Variants in SMYD3 observed in about 807,000 individuals in gnomAD.
SMYD3 encodes the protein SET and MYND domain containing 3.
Under a neutral mutation model 57.7 loss-of-function variants are expected in SMYD3, and 36 were observed. The ratio of observed to expected loss-of-function variants is 0.62; its 90% CI spans 0.48 to 0.82. The LOEUF (loss-of-function observed/expected upper bound fraction) is 0.82, where lower values mean the gene tolerates loss of function less well. Ranked by LOEUF, SMYD3 falls within the 40% of genes least tolerant of loss-of-function variation. The pLI is 0.00. For synonymous variants in SMYD3, 211 were observed against 195.0 expected (o/e 1.08, Z -0.68); for missense variants, 515 against 538.8 (o/e 0.96, Z 0.44).
At chr1:245,769,171 A>G (rs1266633355) in intron 10 of SMYD3, among the ~76,000 whole-genome samples, 1 of 152,220 alleles carries the variant, frequency 6.6e-6, no homozygotes, top group African/African-American at 2.4e-5. Context: ...ATATCACTTG[A>G]TGAAACCATT....
At position 245,961,441 on chromosome 1, in the gene SMYD3, G is replaced by GCAT. The variant is rs553909210; in HGVS notation, c.532-31507_532-31505dup. 4.0e-3 allele frequency among the ~76,000 whole-genome samples: 604 copies of GCAT among 151,994 alleles called. 5 individuals carry two copies. The highest frequency in any genetic ancestry group is 0.014 in the African/African-American group (585 of 41,330). On this transcript the variant is annotated intron_variant, in intron 5 of 11. Coordinates refer to ENST00000490107, the MANE Select transcript of SMYD3 (RefSeq NM_001167740.2). ...CCCTTTCACCCTAAAATATCAGCTT[G>GCAT]CATCAGGCACAAAGGAAGATGCACA...
intron 5 of SMYD3, chr1:245,930,351 G>GT: frequency 2.8e-6 from 1 of 354,838 alleles, no homozygotes; most frequent in Middle Eastern, 5.0e-4. Context: ...ATGCCACTGT[G>GT]TATCTGTTCA....
intron 5 of SMYD3, among the ~76,000 whole-genome samples, chr1:246,080,279 T>C (rs2060617483): frequency 6.6e-6 from 1 of 151,868 alleles, no homozygotes; most frequent in Admixed American, 6.6e-5. Context: ...GTGGCAGCAC[T>C]GGATTCTCAT....
At chr1:245,751,809 T>C (rs761766159) in intron 11 of SMYD3, among the ~76,000 whole-genome samples, 4 of 152,158 alleles carry the variant, frequency 2.6e-5, no homozygotes, top group Non-Finnish European at 5.9e-5. Context: ...TTCCTATTCA[T>C]GCGAGCAAGT....
intron 1 of SMYD3, among the ~76,000 whole-genome samples, chr1:246,498,851 C>T (rs1372702826): frequency 1.3e-5 from 2 of 151,984 alleles, no homozygotes; most frequent in East Asian, 1.9e-4. Flanking sequence ...TCCAGTGGCA[C>T]GATCATGGCT....
intron 5 of SMYD3, among the ~76,000 whole-genome samples, chr1:246,250,982 T>C (rs892801824): frequency 1.3e-5 from 2 of 152,224 alleles, no homozygotes; most frequent in Non-Finnish European, 2.9e-5. Context: ...TGTGGGTACA[T>C]AGTAGGTGTA....
rs180840494 is a variant in SMYD3, at chr1:245,956,441, C to T, written c.532-26504G>A. ...ACAGGCAGGAAATAATCTGAGCTGA[C>T]ACAAGTGAGGGAGCAAAACAGGACG... is the stretch of plus-strand genomic sequence containing the variant. On this transcript the variant is annotated intron_variant, in intron 5 of 11. Transcript: ENST00000490107. Among the ~76,000 whole-genome samples, 28 of 152,306 alleles carry T rather than the reference C, an allele frequency of 1.8e-4. No homozygotes were observed. In the East Asian group the frequency reaches 5.4e-3, roughly 29 times the overall value.
In SMYD3 at chr1:246,363,093, G is replaced by A. The variant is rs564234287; in HGVS notation, c.165-7999C>T. 4.5e-4 allele frequency among the ~76,000 whole-genome samples: 68 copies of A among 151,760 alleles called. 1 individual carries two copies. The highest frequency in any genetic ancestry group is 8.1e-4 in the Non-Finnish European group (55 of 67,892). On this transcript the variant is annotated intron_variant, in intron 1 of 11. Coordinates refer to ENST00000490107, the MANE Select transcript of SMYD3 (RefSeq NM_001167740.2). The stretch of plus-strand genomic sequence containing the variant: ...CCCACCGCCCCTTCTGGGAGGTGAG[G>A]AGCGTCTCTGCCTGGCCGCCCCGTC...
rs190716804 is a variant in SMYD3, at chr1:246,324,284, A to G, written c.531+2917T>C. 5.3e-3 allele frequency among the ~76,000 whole-genome samples: 803 copies of G among 151,980 alleles called. 2 individuals carry two copies. Among genetic ancestry groups the G allele is most frequent in the Middle Eastern group, 0.01 (3 of 294 alleles). The stretch of plus-strand genomic sequence containing the variant: ...ACAAAAATTGGCCAGGTGTGGTGGC[A>G]GGCGCCTGTAATCCCAGCTCCTTGG... On this transcript the variant is annotated intron_variant, in intron 5 of 11. Coordinates refer to ENST00000490107, the MANE Select transcript of SMYD3 (RefSeq NM_001167740.2).
chr1:245,771,166 C>T (rs1447054262), intron 10 of SMYD3, among the ~76,000 whole-genome samples: 1 of 149,890 alleles, frequency 6.7e-6, no homozygotes, highest in Non-Finnish European at 1.5e-5. Context: ...ATACATATGG[C>T]TGTAATGGCG....
intron 3 of SMYD3, 51 bp from the exon 4 acceptor site, chr1:246,330,588 T>C (rs769459688): frequency 6.7e-7 from 1 of 1,494,834 alleles, no homozygotes; most frequent in Admixed American, 2.2e-5. Context: ...TGTTCCAATA[T>C]ATAAACAAAT....
chr1:246,227,956 C>CT (rs202246263), intron 5 of SMYD3, among the ~76,000 whole-genome samples: 6,349 of 115,406 alleles, frequency 0.055, 223 homozygotes, highest in Non-Finnish European at 0.073. Flanking sequence ...ATTTTTATTC[C>CT]TTTTTTTTTT....
At chr1:246,084,969 G>C (rs1023570087) in intron 5 of SMYD3, among the ~76,000 whole-genome samples, 3 of 152,136 alleles carry the variant, frequency 2.0e-5, no homozygotes, top group Non-Finnish European at 2.9e-5. Context: ...TGTGATTAGA[G>C]TACCTAGAAG....
chr1:246,333,953 G>A (rs558673814), intron 3 of SMYD3, among the ~76,000 whole-genome samples: 59 of 151,846 alleles, frequency 3.9e-4, no homozygotes, highest in Non-Finnish European at 6.8e-4. Flanking sequence ...ACATACAGGT[G>A]GCCAAAAAAC....
In SMYD3 at chr1:245,944,806, G is replaced by A. The variant is rs140405053; in HGVS notation, c.532-14869C>T. Among the ~76,000 whole-genome samples, 673 of 152,224 alleles carry A rather than the reference G, an allele frequency of 4.4e-3. 8 individuals carry two copies. The highest frequency in any genetic ancestry group is 0.016 in the African/African-American group (649 of 41,546). ...ACAAAAACAGACATATAGACTAATG[G>A]AACAGAATAGAGAACTCAGAAATAA... On this transcript the variant is annotated intron_variant, in intron 5 of 11. Coordinates refer to ENST00000490107, the MANE Select transcript of SMYD3 (RefSeq NM_001167740.2).
At chr1:246,301,669 T>C (rs1247810222) in intron 5 of SMYD3, among the ~76,000 whole-genome samples, 2 of 152,130 alleles carry the variant, frequency 1.3e-5, no homozygotes, top group African/African-American at 4.8e-5. Context: ...AGCTTTACAA[T>C]CCAGCTGGGG....
intron 5 of SMYD3, among the ~76,000 whole-genome samples, chr1:245,961,656 A>G (rs761529938): frequency 6.6e-6 from 1 of 152,152 alleles, no homozygotes; most frequent in African/African-American, 2.4e-5. Context: ...AAAACATCCT[A>G]GATGTTAAGA....
intron 10 of SMYD3, among the ~76,000 whole-genome samples, chr1:245,857,282 G>T (rs554343972): frequency 2.4e-4 from 37 of 152,304 alleles, no homozygotes; most frequent in African/African-American, 7.9e-4. Flanking sequence ...CGTCTTCGGG[G>T]TCCTTGTGGA....
intron 9 of SMYD3, among the ~76,000 whole-genome samples, chr1:245,860,763 A>G (rs192194614): frequency 1.3e-5 from 2 of 152,210 alleles, no homozygotes; most frequent in African/African-American, 4.8e-5. Context: ...CAACGCACTG[A>G]TTTTGTAACA....
Sources: allele counts gnomAD v4.1 joint callset (sites outside exome capture counted in the v4.1 genomes callset), GRCh38; gene constraint gnomAD v4.1.1; transcripts MANE v1.5; gene names NCBI Gene and HGNC (gene_info 2026-07-23, HGNC 2026-07-21).